Variants in METTL8 observed in about 807,000 individuals in gnomAD.
The protein encoded by METTL8 is tRNA N(3)-cytidine methyltransferase METTL8, mitochondrial.
In METTL8, 32 loss-of-function variants were observed where a neutral mutation model predicts 48.7. The ratio of observed to expected loss-of-function variants is 0.66; its 90% CI spans 0.50 to 0.88. The LOEUF is 0.88. Among genes scored for constraint, METTL8 ranks in the 40% least tolerant of loss-of-function variants. The probability of loss-of-function intolerance (pLI) is 0.00; values close to 1 mark genes in which losing one functional copy is unlikely to be tolerated. For synonymous variants in METTL8, 136 were observed against 157.1 expected (o/e 0.87, Z 1.01); for missense variants, 464 against 474.4 (o/e 0.98, Z 0.20).
intron 3 of METTL8, among the ~76,000 whole-genome samples, chr2:171,356,950 A>ATGTGTTTT (rs1202277226): frequency 2.1e-4 from 1 of 4,762 alleles, no homozygotes; most frequent in African/African-American, 2.9e-4. Context: ...TTCAAAGACA[A>ATGTGTTTT]TATTTTTTTT....
intron 2 of METTL8, among the ~76,000 whole-genome samples, chr2:171,387,277 C>T (rs1404082572): frequency 6.6e-6 from 1 of 152,114 alleles, no homozygotes; most frequent in Admixed American, 6.6e-5. Context: ...GGTAGGAGCC[C>T]CACAGCCTGC....
At chr2:171,421,593 T>C (rs1691885952) in intron 1 of METTL8, among the ~76,000 whole-genome samples, 1 of 152,178 alleles carries the variant, frequency 6.6e-6, no homozygotes, top group Non-Finnish European at 1.5e-5. Flanking sequence ...ACTGAGCCAC[T>C]AATGAAGATC....
upstream of METTL8, chr2:171,434,763 C>G: frequency 7.2e-7 from 1 of 1,391,760 alleles, no homozygotes; most frequent in Non-Finnish European, 9.2e-7. Flanking sequence ...GCCGAGCCTC[C>G]TGCGGGGATG....
In METTL8 at chr2:171,315,816, C is replaced by T. The variant is rs1338080830; in HGVS notation, c.*8356G>A. 6.6e-6 allele frequency among the ~76,000 whole-genome samples: 1 copy of T among 152,126 alleles called. No homozygotes were observed. Among genetic ancestry groups the T allele is most frequent in the African/African-American group, 2.4e-5 (1 of 41,412 alleles). On this transcript the variant is annotated 3_prime_UTR_variant, in exon 10 of 10. Transcript: ENST00000375258. The stretch of plus-strand genomic sequence containing the variant: ...AAGAAATCACAGAAGATTTACAAAA[C>T]TTACATGAAATAAGAAAATGTTCAA...
intron 7 of METTL8, among the ~76,000 whole-genome samples, chr2:171,328,667 C>A (rs566030179): frequency 1.3e-5 from 2 of 152,152 alleles, no homozygotes; most frequent in African/African-American, 2.4e-5. Flanking sequence ...TGCAGTACCA[C>A]GCCCAGCTAA....
At chr2:171,335,232 G>A (rs962998458) in intron 5 of METTL8, among the ~76,000 whole-genome samples, 3 of 152,114 alleles carry the variant, frequency 2.0e-5, no homozygotes, top group African/African-American at 7.2e-5. Context: ...TTAAATGATA[G>A]TAGGAAACTA....
intron 2 of METTL8, among the ~76,000 whole-genome samples, chr2:171,363,817 T>TATATATATC (rs1228494441): frequency 2.3e-5 from 3 of 129,022 alleles, no homozygotes; most frequent in African/African-American, 8.8e-5. Context: ...TATATATATC[T>TATATATATC]TTTTTTTTTT....
chr2:171,423,815 G>A (rs528532655), intron 1 of METTL8, among the ~76,000 whole-genome samples: 2 of 152,322 alleles, frequency 1.3e-5, no homozygotes, highest in South Asian at 2.1e-4. Flanking sequence ...AAATTCAAGC[G>A]AGCTGCAGAA....
chr2:171,433,437 A>T (rs1693365009), intron 1 of METTL8, among the ~76,000 whole-genome samples: 1 of 152,216 alleles, frequency 6.6e-6, no homozygotes, highest in Non-Finnish European at 1.5e-5. Context: ...AGCATGCCCA[A>T]GTCCACGTGG....
In METTL8 at chr2:171,323,947, T is replaced by C. The variant is rs1010389418; in HGVS notation, c.*225A>G. 1 of 387,098 alleles carries C rather than the reference T, an allele frequency of 2.6e-6. No homozygotes were observed. Among genetic ancestry groups the C allele is most frequent in the African/African-American group, 2.1e-5 (1 of 48,522 alleles). The allele number at this position is 387,098 out of a possible 1,614,324, so 24.0% of individuals were successfully genotyped here. Reference sequence around the variant, plus strand: ...AAGCAAAATGGTTAGATGTAATAAATTCAAACAAGCTTGAGCATATCAAGT... The same window carrying C: ...AAGCAAAATGGTTAGATGTAATAAACTCAAACAAGCTTGAGCATATCAAGT... On this transcript the variant is annotated 3_prime_UTR_variant, in exon 10 of 10. Coordinates refer to ENST00000375258, the MANE Select transcript of METTL8 (RefSeq NM_001321154.2).
intron 6 of METTL8, among the ~76,000 whole-genome samples, chr2:171,331,331 G>A (rs1306785643): frequency 2.5e-4 from 37 of 150,968 alleles, no homozygotes; most frequent in Non-Finnish European, 4.4e-5. Flanking sequence ...AGATGGTCTC[G>A]ATCTCCTGAC....
At position 171,379,485 on chromosome 2, in the gene METTL8, G is replaced by GA. The variant is rs1687297300; in HGVS notation, c.143+12557dup. On this transcript the variant is annotated intron_variant, in intron 2 of 9. Transcript: ENST00000375258. ...CAATGAATCCAGGAGCTGGTTTTTT[G>GA]AAAAAATTGATAAAATAGATAGACT... Among the ~76,000 whole-genome samples, 3 of 151,716 alleles carry GA rather than the reference G, an allele frequency of 2.0e-5. No homozygotes were observed. In the South Asian group the frequency reaches 6.2e-4, roughly 32 times the overall value.
chr2:171,434,532 G>A, upstream of METTL8: 1 of 1,522,470 alleles, frequency 6.6e-7, no homozygotes, highest in East Asian at 2.5e-5. Flanking sequence ...AGTGTGGGGC[G>A]CGCCACTCGG....
chr2:171,410,256 A>G (rs1478826623), intron 1 of METTL8, among the ~76,000 whole-genome samples: 1 of 152,242 alleles, frequency 6.6e-6, no homozygotes, highest in African/African-American at 2.4e-5. Context: ...AGGCTAGTCC[A>G]CACATGCTTT....
chr2:171,405,835 A>C (rs1331460354), intron 1 of METTL8, among the ~76,000 whole-genome samples: 2 of 152,206 alleles, frequency 1.3e-5, no homozygotes, highest in African/African-American at 4.8e-5. Flanking sequence ...TTTGTAGTAG[A>C]AGAGAAGATG....
At chr2:171,426,115 C>T (rs1161503275) in intron 1 of METTL8, among the ~76,000 whole-genome samples, 8 of 152,092 alleles carry the variant, frequency 5.3e-5, no homozygotes, top group Admixed American at 1.3e-4. Context: ...TGAGATTGAG[C>T]CACTGCACTC....
chr2:171,425,841 TAACAGCA>T (rs1692357135), intron 1 of METTL8, among the ~76,000 whole-genome samples: 1 of 152,178 alleles, frequency 6.6e-6, no homozygotes, highest in African/African-American at 2.4e-5. Flanking sequence ...AGAATGTCTA[TAACAGCA>T]CTTTCCTAGA....
At chr2:171,426,831 G>A (rs1692469699) in intron 1 of METTL8, among the ~76,000 whole-genome samples, 1 of 152,122 alleles carries the variant, frequency 6.6e-6, no homozygotes, top group African/African-American at 2.4e-5. Flanking sequence ...TTTCACTCTT[G>A]TTCTTGATGC....
rs192638079 is a variant in METTL8 at position 171,420,549 on chromosome 2, G to C, written c.-13+13334C>G. ...CACCCCTAAATGGCTGGATTAATAT[G>C]TTTTAAAAAGAAATCTTATTAAACA... On this transcript the variant is annotated intron_variant, in intron 1 of 9. Coordinates refer to ENST00000375258, the MANE Select transcript of METTL8 (RefSeq NM_001321154.2). Among the ~76,000 whole-genome samples, 80 of 152,182 alleles carry C rather than the reference G, an allele frequency of 5.3e-4. 1 individual carries two copies. The highest frequency in any genetic ancestry group is 1.9e-3 in the African/African-American group (79 of 41,512).
Sources: gnomAD v4.1 joint callset for allele counts (sites outside exome capture counted in the v4.1 genomes callset) on GRCh38, gnomAD v4.1.1 for gene constraint, MANE v1.5 for transcripts, NCBI Gene and HGNC (gene_info 2026-07-23, HGNC 2026-07-21) for gene names.